Variants in EIF4E observed in about 807,000 individuals in gnomAD.
EIF4E encodes eIF-4F 25 kDa subunit.
For missense variants in EIF4E, 113 were observed against 265.6 expected, an observed-to-expected ratio of 0.43 and a Z score of 3.99; for synonymous variants, 71 against 88.5, an observed-to-expected ratio of 0.80 and a Z score of 1.11.
intron 1 of EIF4E, among the ~76,000 whole-genome samples, chr4:98,907,140 A>T (rs1724905074): frequency 1.3e-5 from 2 of 152,130 alleles, no homozygotes; most frequent in Non-Finnish European, 2.9e-5. Flanking sequence ...AAAGAAAAAA[A>T]TTTTTTAAAT....
intron 1 of EIF4E, 67 bp downstream of exon 1, chr4:98,929,028 G>A: frequency 6.4e-7 from 1 of 1,567,236 alleles, no homozygotes; most frequent in Non-Finnish European, 8.7e-7. Context: ...GTCCCGCGGA[G>A]TCCCCCAGTC....
chr4:98,909,742 A>AT (rs1175946191), intron 1 of EIF4E: 2 of 705,200 alleles, frequency 2.8e-6, no homozygotes, highest in Non-Finnish European at 5.2e-6. Context: ...TTCAGCTCTC[A>AT]TTTTTTTTCT....
At chr4:98,915,132 G>A (rs1310440097) in intron 1 of EIF4E, among the ~76,000 whole-genome samples, 1 of 152,050 alleles carries the variant, frequency 6.6e-6, no homozygotes, top group African/African-American at 2.4e-5. Context: ...AATATTTTTA[G>A]TAGAGACAGG....
At chr4:98,923,093 C>T (rs1480324556) in intron 1 of EIF4E, among the ~76,000 whole-genome samples, 29 of 151,300 alleles carry the variant, frequency 1.9e-4, no homozygotes, top group Non-Finnish European at 3.7e-4. Context: ...TCAGGTGATC[C>T]GCCCACCTCA....
intron 1 of EIF4E, chr4:98,903,607 G>A: frequency 2.6e-6 from 1 of 381,124 alleles, no homozygotes; most frequent in Non-Finnish European, 5.1e-6. Context: ...GCCTCCCAAG[G>A]GATATGTTTT....
intron 1 of EIF4E, chr4:98,903,360 G>GTTTTTTTTTTTTTTTTTTTTTTT: frequency 5.2e-6 from 2 of 384,680 alleles, no homozygotes; most frequent in Non-Finnish European, 9.9e-6. Context: ...AAGAATATGG[G>GTTTTTTTTTTTTTTTTTTTTTTT]TTTTTTTTTT....
In EIF4E at chr4:98,887,292, C is replaced by T. The variant is rs1723962461; in HGVS notation, c.286-100G>A. The T allele has an allele frequency of 8.1e-7, 1 of 1,231,106 alleles. No homozygotes were observed. The highest frequency in any genetic ancestry group is 1.2e-5 in the South Asian group (1 of 82,874). 76.3% of individuals were successfully genotyped at this position (1,231,106 alleles called of 1,614,324 possible). A position where few individuals can be genotyped will look rare whatever the true frequency, so the allele number is the denominator to read the frequency against. On this transcript the variant is annotated intron_variant, in intron 4 of 6. Coordinates refer to ENST00000450253, the MANE Select transcript of EIF4E (RefSeq NM_001968.5). The surrounding 1 kb of genome is among the most constrained non-coding windows in gnomAD (Gnocchi z 4.0). ...AAGCAACAACACTGTCAACTTCTTA[C>T]TTTATTGCCCATAAAACTGCCATTG...
chr4:98,895,211 C>A (rs1396642674), intron 2 of EIF4E: 1 of 152,176 alleles, frequency 6.6e-6, no homozygotes, highest in Non-Finnish European at 1.5e-5. Context: ...ACCAAGTGAG[C>A]ACATGCCATT....
intron 2 of EIF4E, among the ~76,000 whole-genome samples, chr4:98,894,552 T>C (rs1190847580): frequency 1.3e-5 from 2 of 152,232 alleles, no homozygotes; most frequent in Non-Finnish European, 2.9e-5. Flanking sequence ...CTTTCAACTT[T>C]TATTCTGCAG....
chr4:98,891,057 T>C (rs1366422149), intron 3 of EIF4E, among the ~76,000 whole-genome samples, 180 bp downstream of exon 3: 1 of 152,188 alleles, frequency 6.6e-6, no homozygotes, highest in Non-Finnish European at 1.5e-5. Flanking sequence ...ATGACAAGAT[T>C]GAAGCTCTGT....
chr4:98,929,032 C>G, intron 1 of EIF4E, 63 bp downstream of exon 1: 2 of 1,569,860 alleles, frequency 1.3e-6, no homozygotes, highest in Non-Finnish European at 1.7e-6. Flanking sequence ...CGCGGAGTCC[C>G]CCAGTCAGAA....
At chr4:98,928,415 G>A (rs749912844) in intron 1 of EIF4E, among the ~76,000 whole-genome samples, 2 of 151,938 alleles carry the variant, frequency 1.3e-5, no homozygotes, top group African/African-American at 4.8e-5. Context: ...TCCCACCCCA[G>A]ACCTTTCTCG....
intron 1 of EIF4E, chr4:98,926,353 A>T (rs1194892223): frequency 6.6e-6 from 1 of 150,730 alleles, no homozygotes; most frequent in Non-Finnish European, 1.5e-5. Context: ...GACCAGCCTG[A>T]CCAACATGGA....
rs114055147 is a variant in EIF4E, at chr4:98,905,818, G to A, written c.19-3836C>T. On this transcript the variant is annotated intron_variant, in intron 1 of 6. Coordinates refer to ENST00000450253, the MANE Select transcript of EIF4E (RefSeq NM_001968.5). The stretch of plus-strand genomic sequence containing the variant: ...GAAGAAAAAAAGCAAGCAAGGGTGA[G>A]AAAAGTCTAACAACTGGCTGCAAAG... Among the ~76,000 whole-genome samples, 4 of 152,110 alleles carry A rather than the reference G, an allele frequency of 2.6e-5. No individual in the cohort carries two copies. The South Asian group carries it at 8.3e-4, about 31-fold the overall frequency.
chr4:98,880,844 A>C lies in EIF4E; in HGVS notation c.*184T>G, dbSNP rs1363862815. On this transcript the variant is annotated 3_prime_UTR_variant, in exon 7 of 7. Transcript: ENST00000450253. ...TAGTGGAAACTCTAGCCAAAAAAAA[A>C]AAAAAAAATGAACACAGAAGTACAA... 2.4e-5 allele frequency: 30 copies of C among 1,238,856 alleles called. No individual in the cohort carries two copies. The highest frequency in any genetic ancestry group is 3.1e-5 in the Non-Finnish European group (29 of 940,924). 76.7% of individuals were successfully genotyped at this position (1,238,856 alleles called of 1,614,324 possible).
chr4:98,906,775 A>G (rs1341938811), intron 1 of EIF4E, among the ~76,000 whole-genome samples: 1 of 152,172 alleles, frequency 6.6e-6, no homozygotes, highest in Non-Finnish European at 1.5e-5. Flanking sequence ...AGAATATGAG[A>G]TGCACTGCTT....
Position 98,929,071 on chromosome 4 carries a change from G to T in EIF4E, c.18+24C>A, listed in dbSNP as rs1453538666. 2.5e-6 allele frequency: 4 copies of T among 1,580,122 alleles called. No homozygotes were observed. In the Admixed American group the frequency reaches 5.4e-5, roughly 21 times the overall value. ...AGACGGAGCGCGGGGACCCGTGGGGGTGGGGGCCAAAGGCAATACTCACCG... is the reference window on the plus strand; with the variant it reads ...AGACGGAGCGCGGGGACCCGTGGGGTTGGGGGCCAAAGGCAATACTCACCG... On this transcript the variant is annotated intron_variant, in intron 1 of 6. Coordinates refer to ENST00000450253, the MANE Select transcript of EIF4E (RefSeq NM_001968.5).
At chr4:98,918,774 T>C (rs1374289534) in intron 1 of EIF4E, among the ~76,000 whole-genome samples, 2 of 152,220 alleles carry the variant, frequency 1.3e-5, no homozygotes, top group African/African-American at 2.4e-5. Context: ...ACAAGACATA[T>C]TAAGTGAAAA....
At chr4:98,892,245 C>CTACGG (rs1418482826) in intron 2 of EIF4E, among the ~76,000 whole-genome samples, 2 of 147,838 alleles carry the variant, frequency 1.4e-5, no homozygotes, top group African/African-American at 5.1e-5. Context: ...ACTTGGGAGG[C>CTACGG]TGAAGCAGGA....
Sources: gnomAD v4.1 joint callset for allele counts (sites outside exome capture counted in the v4.1 genomes callset) on GRCh38, gnomAD v4.1.1 for gene constraint, Gnocchi (gnomAD v3.1) non-coding constraint, MANE v1.5 for transcripts, NCBI Gene and HGNC (gene_info 2026-07-23, HGNC 2026-07-21) for gene names.